Variants in RPH3AL observed in about 807,000 individuals in gnomAD.
The protein encoded by RPH3AL is rab effector Noc2.
In RPH3AL, 38 loss-of-function variants were observed where a neutral mutation model predicts 43.1. That is an observed-to-expected ratio of 0.88 (90% CI 0.68 to 1.15). RPH3AL has a LOEUF of 1.15. Ranked by LOEUF, RPH3AL falls within the 50% of genes most tolerant of loss-of-function variation. The probability of loss-of-function intolerance (pLI) is 0.00; values close to 1 mark genes in which losing one functional copy is unlikely to be tolerated. For synonymous variants in RPH3AL, 189 were observed against 176.3 expected, an observed-to-expected ratio of 1.07 and a Z score of -0.57; for missense variants, 462 against 423.2, an observed-to-expected ratio of 1.09 and a Z score of -0.81.
chr17:241,711 C>CTTTT (rs1001979455), intron 7 of RPH3AL, among the ~76,000 whole-genome samples: 47 of 92,768 alleles, frequency 5.1e-4, no homozygotes, highest in South Asian at 4.9e-3. Flanking sequence ...GTTTCTTTTT[C>CTTTT]TTTTTTTTTC....
chr17:295,350 A>G (rs1258211846), intron 5 of RPH3AL, among the ~76,000 whole-genome samples: 1 of 146,318 alleles, frequency 6.8e-6, no homozygotes, highest in African/African-American at 2.6e-5. Context: ...AGCTGCAGAA[A>G]TGGACGGGCA....
In RPH3AL at chr17:290,618, G is replaced by A. The variant is rs529098690; in HGVS notation, c.352-8764C>T. On this transcript the variant is annotated intron_variant, in intron 5 of 9. Transcript: ENST00000331302. This position sits in a 1 kb window ranked among gnomAD's most constrained non-coding sequence, Gnocchi z 4.2. Reference sequence around the variant, plus strand: ...AGATGGCACCCAAGAGTCACAATGCGACAGAAGGTTCTGCTGGGCCACTCC... The same window carrying A: ...AGATGGCACCCAAGAGTCACAATGCAACAGAAGGTTCTGCTGGGCCACTCC... 3.3e-5 allele frequency among the ~76,000 whole-genome samples: 5 copies of A among 152,114 alleles called. 1 individual carries two copies. Among genetic ancestry groups the A allele is most frequent in the East Asian group, 1.9e-4 (1 of 5,178 alleles).
intron 6 of RPH3AL, among the ~76,000 whole-genome samples, chr17:252,389 G>A (rs970619418): frequency 6.6e-6 from 1 of 152,104 alleles, no homozygotes; most frequent in Non-Finnish European, 1.5e-5. Flanking sequence ...ACGCCCTGCT[G>A]ACCATGGCGG....
Position 235,914 on chromosome 17 carries a change from G to T in RPH3AL, c.613+11197C>A, listed in dbSNP as rs2041378587. Among the ~76,000 whole-genome samples, 2 of 147,680 alleles carry T rather than the reference G, an allele frequency of 1.4e-5. 1 individual carries two copies. The highest frequency in any genetic ancestry group is 3.0e-5 in the Non-Finnish European group (2 of 66,020). ...CAAGAGGGATACAGGGTTCAAAGCT[G>T]GGGTCGGCCGAGGCTCCGCACTAAC... On this transcript the variant is annotated intron_variant, in intron 7 of 9. Transcript: ENST00000331302.
In RPH3AL at chr17:290,465, G is replaced by A. The variant is rs769903331; in HGVS notation, c.352-8611C>T. Among the ~76,000 whole-genome samples the A allele has an allele frequency of 8.5e-5, 13 of 152,098 alleles. No homozygotes were observed. Among genetic ancestry groups the A allele is most frequent in the East Asian group, 3.9e-4 (2 of 5,176 alleles). ...CTGCCTCCCCCGGGGTGCGTGCCGC[G>A]GCCGCCTATGTGTGCAGACCCGTCC... On this transcript the variant is annotated intron_variant, in intron 5 of 9. Transcript: ENST00000331302. The surrounding 1 kb of genome is among the most constrained non-coding windows in gnomAD (Gnocchi z 4.2).
At chr17:251,130 G>A (rs1368845877) in intron 6 of RPH3AL, among the ~76,000 whole-genome samples, 4 of 152,214 alleles carry the variant, frequency 2.6e-5, no homozygotes, top group Admixed American at 2.0e-4. Flanking sequence ...TAGGTCCCTG[G>A]CATGAATCCC....
intron 5 of RPH3AL, among the ~76,000 whole-genome samples, chr17:310,738 G>A (rs371101099): frequency 1.1e-4 from 16 of 152,286 alleles, no homozygotes; most frequent in African/African-American, 3.1e-4. Flanking sequence ...ACTGGGATCC[G>A]CATGGCTCCT....
chr17:316,762 G>A (rs957088003), intron 5 of RPH3AL, among the ~76,000 whole-genome samples: 8 of 97,590 alleles, frequency 8.2e-5, no homozygotes, highest in East Asian at 3.0e-4. Flanking sequence ...CACCTCCATT[G>A]ACCTGAAGTC....
chr17:222,430 T>C (rs1396459872), intron 7 of RPH3AL, among the ~76,000 whole-genome samples: 3 of 152,074 alleles, frequency 2.0e-5, no homozygotes, highest in Admixed American at 2.0e-4. Context: ...GTCTCACAAA[T>C]GCGGAAGGGA....
At chr17:258,600 C>G (rs2042123531) in intron 6 of RPH3AL, among the ~76,000 whole-genome samples, 1 of 152,158 alleles carries the variant, frequency 6.6e-6, no homozygotes, top group Non-Finnish European at 1.5e-5. Context: ...CGGCCCGTGC[C>G]TCAGCCTTGC....
At chr17:291,267 C>T (rs757472032) in intron 5 of RPH3AL, among the ~76,000 whole-genome samples, 15 of 152,084 alleles carry the variant, frequency 9.9e-5, no homozygotes, top group Non-Finnish European at 1.5e-4. Flanking sequence ...GGGCCAGGTG[C>T]GGTGGATCCT....
Position 323,556 on chromosome 17 carries a change from G to A in RPH3AL, c.78-2141C>T, listed in dbSNP as rs1045955242. Among the ~76,000 whole-genome samples the A allele has an allele frequency of 3.3e-5, 5 of 152,298 alleles. No individual in the cohort carries two copies. The highest frequency in any genetic ancestry group is 2.1e-4 in the South Asian group (1 of 4,824). On this transcript the variant is annotated intron_variant, in intron 3 of 9. Transcript: ENST00000331302. The surrounding 1 kb of genome is among the most constrained non-coding windows in gnomAD (Gnocchi z 4.4). ...CCAGGACACACTTCGTGTGGTTCCC[G>A]GGCCAGGGGAAGGGAGTTGGAAGCC...
intron 2 of RPH3AL, among the ~76,000 whole-genome samples, chr17:329,821 G>A (rs1598144649): frequency 1.3e-5 from 2 of 152,314 alleles, no homozygotes; most frequent in East Asian, 3.9e-4. Context: ...TCACAAATAC[G>A]TATGATGGCT....
At chr17:223,557 G>T (rs753876464) in intron 7 of RPH3AL, among the ~76,000 whole-genome samples, 1 of 152,198 alleles carries the variant, frequency 6.6e-6, no homozygotes, top group Admixed American at 6.5e-5. Flanking sequence ...AACAAAATCC[G>T]TCTATACTGC....
At chr17:317,211 C>T (rs367765239) in intron 5 of RPH3AL, among the ~76,000 whole-genome samples, 3 of 151,218 alleles carry the variant, frequency 2.0e-5, no homozygotes, top group African/African-American at 4.9e-5. Context: ...TGTACTCCAC[C>T]TCCATTGACC....
chr17:252,833 A>G (rs1227415609), intron 6 of RPH3AL, among the ~76,000 whole-genome samples: 1 of 152,222 alleles, frequency 6.6e-6, no homozygotes, highest in African/African-American at 2.4e-5. Context: ...CCAAATCTGA[A>G]AATCCAAAAT....
chr17:252,805 C>T (rs994617361), intron 6 of RPH3AL, among the ~76,000 whole-genome samples: 1 of 152,318 alleles, frequency 6.6e-6, no homozygotes, highest in Admixed American at 6.5e-5. Context: ...TTGCATTATA[C>T]TTAACCAGTT....
intron 5 of RPH3AL, among the ~76,000 whole-genome samples, chr17:307,628 A>G (rs5023247): frequency 0.44 from 66,757 of 152,032 alleles, 15,432 homozygotes; most frequent in East Asian, 0.66. Context: ...GGGACAGGTC[A>G]TGCAAAGCTC....
chr17:336,758 G>A (rs1788656880), intron 1 of RPH3AL, among the ~76,000 whole-genome samples: 1 of 152,140 alleles, frequency 6.6e-6, no homozygotes, highest in African/African-American at 2.4e-5. Flanking sequence ...CTTGCATTCT[G>A]CCAGCCACCC....
Sources: gnomAD v4.1 joint callset for allele counts (sites outside exome capture counted in the v4.1 genomes callset) on GRCh38, gnomAD v4.1.1 for gene constraint, Gnocchi (gnomAD v3.1) non-coding constraint, MANE v1.5 for transcripts, NCBI Gene and HGNC (gene_info 2026-07-23, HGNC 2026-07-21) for gene names.